The following RARB variants were observed in gnomAD, a reference collection of about 807,000 sequenced individuals.
RARB encodes retinoic acid receptor beta.
In RARB, 17 loss-of-function variants were observed where a neutral mutation model predicts 51.9. The observed-to-expected ratio is 0.33, with a 90% CI of 0.22 to 0.49. The LOEUF is 0.49. Ranked by LOEUF, RARB falls within the 20% of genes least tolerant of loss-of-function variation. The pLI is 0.99. For synonymous variants in RARB, 215 were observed against 195.4 expected (o/e 1.10, Z -0.84); for missense variants, 369 against 550.8 (o/e 0.67, Z 3.30).
chr3:25,394,948 G>A (rs568037826), intron 5 of RARB, among the ~76,000 whole-genome samples: 1 of 152,238 alleles, frequency 6.6e-6, no homozygotes, highest in African/African-American at 2.4e-5. Flanking sequence ...TGTGCTAGTT[G>A]TTGCCTGAAT....
intron 1 of RARB, among the ~76,000 whole-genome samples, chr3:25,457,714 A>G (rs1229446388): frequency 6.6e-6 from 1 of 152,142 alleles, no homozygotes; most frequent in African/African-American, 2.4e-5. Flanking sequence ...CCTTCAGTGC[A>G]TGTGTTTGAA....
intron 1 of RARB, among the ~76,000 whole-genome samples, chr3:24,841,323 A>G (rs901772887): frequency 3.9e-5 from 6 of 152,240 alleles, no homozygotes; most frequent in East Asian, 1.9e-4. Context: ...CATAGATCAT[A>G]CATACACAAA....
intron 3 of RARB, among the ~76,000 whole-genome samples, chr3:25,555,963 G>A (rs1407080063): frequency 6.6e-6 from 1 of 152,058 alleles, no homozygotes; most frequent in Admixed American, 6.6e-5. Context: ...GGATTGTGAA[G>A]CTCTGGCAGG....
At chr3:25,416,697 C>G (rs1707713355) in intron 5 of RARB, among the ~76,000 whole-genome samples, 1 of 152,168 alleles carries the variant, frequency 6.6e-6, no homozygotes, top group African/African-American at 2.4e-5. Context: ...TCCAATAAAA[C>G]TTTATTTTAC....
At chr3:25,431,115 A>G (rs1281387592) in intron 1 of RARB, among the ~76,000 whole-genome samples, 2 of 152,062 alleles carry the variant, frequency 1.3e-5, no homozygotes, top group African/African-American at 4.8e-5. Context: ...TGTGTAAGTA[A>G]GAACATAACC....
chr3:25,427,109 A>G (rs536611232), upstream of RARB, among the ~76,000 whole-genome samples: 2 of 152,172 alleles, frequency 1.3e-5, no homozygotes, highest in African/African-American at 4.8e-5. Context: ...GAGGCAACCA[A>G]CATGGCTATT....
intron 5 of RARB, among the ~76,000 whole-genome samples, chr3:25,293,467 A>G (rs1703837335): frequency 6.6e-6 from 1 of 152,042 alleles, no homozygotes; most frequent in Admixed American, 6.6e-5. Flanking sequence ...AGTTGATGCT[A>G]TTGTATTGTT....
intron 4 of RARB, among the ~76,000 whole-genome samples, chr3:25,169,568 T>A (rs1417460090): frequency 1.3e-5 from 2 of 152,200 alleles, no homozygotes; most frequent in Non-Finnish European, 2.9e-5. Context: ...AATATAAACA[T>A]AATGTAAATG....
Position 24,878,662 on chromosome 3 carries a change from A to C in RARB, c.-380+19910A>C, listed in dbSNP as rs540474403. On this transcript the variant is annotated intron_variant, in intron 2 of 11. Coordinates refer to the RARB transcript ENST00000383772. ...CACTAGATGCCATAAGCACCCCCTA[A>C]TTGTGATAACCAAAAGTATGCCCAT... Among the ~76,000 whole-genome samples the C allele has an allele frequency of 1.5e-4, 23 of 152,232 alleles. No homozygotes were observed. In the South Asian group the frequency reaches 4.8e-3, roughly 32 times the overall value.
At chr3:25,325,545 C>G (rs888978920) in intron 5 of RARB, among the ~76,000 whole-genome samples, 33 of 150,640 alleles carry the variant, frequency 2.2e-4, no homozygotes, top group African/African-American at 6.7e-4. Flanking sequence ...CCAAATACCC[C>G]CCAGGCACTT....
At chr3:25,511,123 T>G (rs1396795005) in intron 3 of RARB, among the ~76,000 whole-genome samples, 1 of 139,128 alleles carries the variant, frequency 7.2e-6, no homozygotes, top group African/African-American at 3.1e-5. Flanking sequence ...GTTTATTTTT[T>G]GTTTTTTGTT....
intron 5 of RARB, among the ~76,000 whole-genome samples, chr3:25,378,530 C>T (rs1347450639): frequency 3.3e-5 from 5 of 152,192 alleles, no homozygotes; most frequent in Admixed American, 6.5e-5. Flanking sequence ...GATAAATCGG[C>T]ATCATCCAGA....
Position 24,830,987 on chromosome 3 carries a change from G to T in RARB, c.-459+1584G>T, listed in dbSNP as rs143983753. On this transcript the variant is annotated intron_variant, in intron 1 of 11. Coordinates refer to the RARB transcript ENST00000383772. ...GATTATTTAATAAAGGTATCTTATC[G>T]AGCCATGTTAAAGTAAGTCTAAAAC... Among the ~76,000 whole-genome samples the T allele has an allele frequency of 3.8e-3, 574 of 152,234 alleles. 2 individuals are homozygous for T. Among genetic ancestry groups the T allele is most frequent in the African/African-American group, 0.013 (549 of 41,540 alleles).
intron 2 of RARB, among the ~76,000 whole-genome samples, chr3:25,004,415 G>A (rs1344631461): frequency 2.0e-5 from 3 of 152,138 alleles, no homozygotes; most frequent in Non-Finnish European, 4.4e-5. Context: ...AAAAGTCCAA[G>A]ATCAAGAGAC....
At chr3:25,590,468 G>C (rs1416062342) in intron 5 of RARB, among the ~76,000 whole-genome samples, 1 of 152,150 alleles carries the variant, frequency 6.6e-6, no homozygotes. Context: ...TTCCAGACTA[G>C]AAACGTATCC....
chr3:25,555,593 A>G (rs1700024243), intron 3 of RARB: 2 of 152,158 alleles, frequency 1.3e-5, no homozygotes, highest in Non-Finnish European at 2.9e-5. Flanking sequence ...GTCAGCAAAT[A>G]TTTGAAAATG....
chr3:25,301,759 A>T (rs1213853180), intron 5 of RARB, among the ~76,000 whole-genome samples: 2 of 152,184 alleles, frequency 1.3e-5, no homozygotes, highest in Non-Finnish European at 2.9e-5. Context: ...GGCAGTTTCC[A>T]TTATTTATGG....
At chr3:25,333,347 G>C (rs1401209052) in intron 5 of RARB, among the ~76,000 whole-genome samples, 2 of 152,144 alleles carry the variant, frequency 1.3e-5, no homozygotes, top group African/African-American at 4.8e-5. Context: ...CAATGGAAAA[G>C]AACAGAGGCC....
At chr3:24,902,072 C>A (rs530459791) in intron 2 of RARB, among the ~76,000 whole-genome samples, 7 of 151,924 alleles carry the variant, frequency 4.6e-5, no homozygotes, top group Middle Eastern at 3.4e-3. Context: ...GAAAGACTTA[C>A]ATATATTTTA....
Sources: gnomAD v4.1 joint callset for allele counts (sites outside exome capture counted in the v4.1 genomes callset) on GRCh38, gnomAD v4.1.1 for gene constraint, MANE v1.5 for transcripts, NCBI Gene and HGNC (gene_info 2026-07-23, HGNC 2026-07-21) for gene names.